FAM149A: variants seen among roughly 807,000 people sequenced by gnomAD.
The protein encoded by FAM149A is protein FAM149A.
In FAM149A, 71 loss-of-function variants were observed where a neutral mutation model predicts 78.2. The ratio of observed to expected loss-of-function variants is 0.91; its 90% CI spans 0.75 to 1.11. The LOEUF (loss-of-function observed/expected upper bound fraction) is 1.11. Ranked by LOEUF, FAM149A falls within the 50% of genes least tolerant of loss-of-function variation. The pLI, the probability that FAM149A is intolerant of heterozygous loss-of-function variation, is 0.00. For synonymous variants in FAM149A, 446 were observed against 410.5 expected (o/e 1.09, Z -1.04); for missense variants, 1,036 against 971.0 (o/e 1.07, Z -0.89).
At chr4:186,121,320 A>C (rs181473559) in intron 1 of FAM149A, among the ~76,000 whole-genome samples, 3 of 152,272 alleles carry the variant, frequency 2.0e-5, no homozygotes, top group Admixed American at 2.0e-4. Flanking sequence ...CTTATAATTA[A>C]ATATTGACAA....
intron 1 of FAM149A, among the ~76,000 whole-genome samples, chr4:186,130,798 T>A (rs1351886963): frequency 6.6e-6 from 1 of 152,156 alleles, no homozygotes; most frequent in Non-Finnish European, 1.5e-5. Context: ...ATGTTACTGA[T>A]GCAAAGGTAG....
In FAM149A at chr4:186,167,044, G is replaced by T. The variant is rs778676220; in HGVS notation, c.2087G>T (p.Arg696Ile). The T allele has an allele frequency of 6.2e-6, 10 of 1,614,052 alleles. No individual in the cohort carries two copies. The highest frequency in any genetic ancestry group is 7.6e-6 in the Non-Finnish European group (9 of 1,180,046). ...ACAGAACGATCGCGTCTTCGAGAAA[G>T]AACAGCCACCCTGGAACGGTTGTCA... Residue 696 changes from arginine (R) to isoleucine (I), a missense_variant, in exon 12 of 14, where the codon AGA becomes ATA. Around this residue, in one of 3 missense-constraint regions of FAM149A, gnomAD observed 716 missense variants for 711.8 expected, o/e 1.01. Coordinates refer to ENST00000389354, the MANE Select transcript of FAM149A (RefSeq NM_001367768.3).
chr4:186,125,823 AAAG>A, intron 1 of FAM149A: 1 of 985,248 alleles, frequency 1.0e-6, no homozygotes, highest in Non-Finnish European at 1.2e-6. Flanking sequence ...GGGAGGCCAA[AAAG>A]AAATACGAGG....
In FAM149A at chr4:186,172,061, A is replaced by G. The variant is rs76303699; in HGVS notation, c.*74A>G. The G allele has an allele frequency of 0.041, 64,729 of 1,569,494 alleles. 1,638 individuals carry two copies. The highest frequency in any genetic ancestry group is 0.088 in the Admixed American group (4,423 of 50,112). On this transcript the variant is annotated 3_prime_UTR_variant, in exon 14 of 14. Transcript: ENST00000389354. ...TTATCACTTGAAAAATGGAGGAACA[A>G]GTGTTATATTTATCTGTGTGTCTGA... is the stretch of plus-strand genomic sequence containing the variant.
rs570115102 is a variant in FAM149A, at chr4:186,172,158, A to G, written c.*171A>G. On this transcript the variant is annotated 3_prime_UTR_variant, in exon 14 of 14. Transcript: ENST00000389354. The stretch of plus-strand genomic sequence containing the variant: ...TAATCTTGAACACTTTGCACTGTAA[A>G]GAGAGTGAAAGTCAAACCCACCAAG... 4 of 1,046,118 alleles carry G rather than the reference A, an allele frequency of 3.8e-6. No homozygotes were observed. The highest frequency in any genetic ancestry group is 3.9e-5 in the Admixed American group (1 of 25,790). 64.8% of individuals were successfully genotyped at this position (1,046,118 alleles called of 1,614,324 possible). A position where few individuals can be genotyped will look rare whatever the true frequency, so the allele number is the denominator to read the frequency against.
intron 1 of FAM149A, among the ~76,000 whole-genome samples, chr4:186,110,873 A>C (rs2099310970): frequency 6.7e-6 from 1 of 149,944 alleles, no homozygotes; most frequent in African/African-American, 2.5e-5. Flanking sequence ...ATGTGTCTTT[A>C]TAGCAGCATG....
chr4:186,129,862 A>T (rs1242821514), intron 1 of FAM149A, among the ~76,000 whole-genome samples: 1 of 152,246 alleles, frequency 6.6e-6, no homozygotes, highest in African/African-American at 2.4e-5. Flanking sequence ...AAGGAAGCTG[A>T]TGTATCTTGT....
At position 186,172,180 on chromosome 4, in the gene FAM149A, C is replaced by A; in HGVS notation, c.*193C>A. On this transcript the variant is annotated 3_prime_UTR_variant, in exon 14 of 14. Transcript: ENST00000389354. ...TAAAGAGAGTGAAAGTCAAACCCAC[C>A]AAGCTGCCTTGCTGAAAGCATCTCC... The A allele has an allele frequency of 1.2e-6, 1 of 809,200 alleles. No homozygotes were observed. The highest frequency in any genetic ancestry group is 1.8e-6 in the Non-Finnish European group (1 of 569,962). 50.1% of individuals were successfully genotyped at this position (809,200 alleles called of 1,614,324 possible).
intron 3 of FAM149A, 50 bp from the exon 4 acceptor site, chr4:186,151,853 C>T (rs1427372640): frequency 3.8e-6 from 6 of 1,599,618 alleles, no homozygotes; most frequent in East Asian, 2.3e-5. Flanking sequence ...TCCAGAAGCC[C>T]GCAGTTCTGT....
chr4:186,151,874 G>A (rs1347748596), intron 3 of FAM149A, 29 bp from the exon 4 acceptor site: 1 of 1,611,730 alleles, frequency 6.2e-7, no homozygotes, highest in Non-Finnish European at 8.5e-7. Flanking sequence ...AACTTGCAGT[G>A]TTGTAACCAA....
chr4:186,132,982 C>G, intron 1 of FAM149A: 1 of 984,968 alleles, frequency 1.0e-6, no homozygotes, highest in Non-Finnish European at 1.2e-6. Context: ...GAGACATTGA[C>G]GCTGTGCTCT....
intron 1 of FAM149A, chr4:186,126,129 A>C: frequency 4.1e-6 from 4 of 976,362 alleles, no homozygotes; most frequent in Non-Finnish European, 4.9e-6. Flanking sequence ...TCCTTTCATT[A>C]GTATCATATC....
At position 186,152,016 on chromosome 4, in the gene FAM149A, G is replaced by A. The variant is rs367622396; in HGVS notation, c.903G>A (p.Gly301=). 6.2e-7 allele frequency: 1 copy of A among 1,614,098 alleles called. No homozygotes were observed. ...CCCAGAGTCTGCTGGCCGAATGCGG[G>A]GAGTGGACAAGAAGATCCCTCCATT... The change falls in exon 4 of 14, where the codon GGG becomes GGA. Residue 301 remains glycine, a synonymous_variant. Coordinates refer to ENST00000389354, the MANE Select transcript of FAM149A (RefSeq NM_001367768.3).
At chr4:186,121,817 C>A (rs1050963659) in intron 1 of FAM149A, among the ~76,000 whole-genome samples, 1 of 152,190 alleles carries the variant, frequency 6.6e-6, no homozygotes, top group African/African-American at 2.4e-5. Flanking sequence ...CTCTGTCTTG[C>A]TTTTGTGGTG....
chr4:186,169,837 C>T (rs1410054993), intron 13 of FAM149A: 2 of 985,324 alleles, frequency 2.0e-6, no homozygotes, highest in African/African-American at 3.5e-5. Context: ...TCATCTGCGC[C>T]TCACTGCCTC....
chr4:186,124,114 G>T (rs192210174), intron 1 of FAM149A: 2 of 985,000 alleles, frequency 2.0e-6, no homozygotes, highest in African/African-American at 3.5e-5. Context: ...GGTCAGAAAA[G>T]GATGGACTTA....
At chr4:186,163,098 A>G (rs763947014) in intron 9 of FAM149A, 150 bp downstream of exon 9, 58 of 633,988 alleles carry the variant, frequency 9.1e-5, no homozygotes, top group Non-Finnish European at 1.5e-4. Context: ...GAGCAGAAAC[A>G]GACCCTTTAG....
chr4:186,147,043 A>G, intron 1 of FAM149A: 1 of 906,454 alleles, frequency 1.1e-6, no homozygotes, highest in Non-Finnish European at 1.3e-6. Context: ...GGAGGTCCAA[A>G]GAAACAAGAA....
chr4:186,146,518 G>C, intron 1 of FAM149A: 1 of 984,258 alleles, frequency 1.0e-6, no homozygotes, highest in Non-Finnish European at 1.2e-6. Flanking sequence ...AATTTGAAAA[G>C]AGCTTCCACC....
Sources: allele counts gnomAD v4.1 joint callset (sites outside exome capture counted in the v4.1 genomes callset), GRCh38; gene constraint gnomAD v4.1.1; regional missense constraint gnomAD v4.1.1; transcripts MANE v1.5; gene names NCBI Gene and HGNC (gene_info 2026-07-23, HGNC 2026-07-21).